TRIO: variants seen among roughly 807,000 people sequenced by gnomAD.
TRIO encodes the protein triple functional domain protein.
Under a neutral mutation model 351.9 loss-of-function variants are expected in TRIO, and 58 were observed. The observed-to-expected ratio is 0.16, with a 90% CI of 0.13 to 0.21. The LOEUF (loss-of-function observed/expected upper bound fraction) is 0.21. Among genes scored for constraint, TRIO ranks in the 10% least tolerant of loss-of-function variants. The pLI, the probability that TRIO is intolerant of heterozygous loss-of-function variation, is 1.00. For missense variants in TRIO, 3,201 were observed against 4,027.8 expected, an observed-to-expected ratio of 0.79 and a Z score of 5.56; for synonymous variants, 1,758 against 1,595.7, an observed-to-expected ratio of 1.10 and a Z score of -2.42.
At chr5:14,298,754 G>A (rs1737591474) in intron 7 of TRIO, among the ~76,000 whole-genome samples, 1 of 152,188 alleles carries the variant, frequency 6.6e-6, no homozygotes, top group African/African-American at 2.4e-5. Context: ...TGTAAAAGCT[G>A]AGAGTTTCAA....
At chr5:14,403,720 T>TGGTGAGGGTGCAGGTG (rs1561448823) in intron 31 of TRIO, among the ~76,000 whole-genome samples, 13 of 28,120 alleles carry the variant, frequency 4.6e-4, no homozygotes, top group Non-Finnish European at 2.1e-4. Context: ...GGGTGTAGGT[T>TGGTGAGGGTGCAGGTG]GTGGTGAGGG....
At chr5:14,500,538 C>G (rs145546445) in intron 53 of TRIO, among the ~76,000 whole-genome samples, 3 of 152,076 alleles carry the variant, frequency 2.0e-5, no homozygotes, top group Non-Finnish European at 4.4e-5. Flanking sequence ...AAACTGTGTC[C>G]GAGAGAATCA....
At chr5:14,147,210 A>G (rs186827576) in intron 1 of TRIO, among the ~76,000 whole-genome samples, 1 of 152,350 alleles carries the variant, frequency 6.6e-6, no homozygotes, top group Non-Finnish European at 1.5e-5. Context: ...TTTATTTTAC[A>G]GATGAGGAAT....
At chr5:14,163,412 G>A (rs1788590693) in intron 1 of TRIO, among the ~76,000 whole-genome samples, 2 of 152,298 alleles carry the variant, frequency 1.3e-5, no homozygotes, top group South Asian at 4.2e-4. Flanking sequence ...AGTAGAGACG[G>A]GGTTTCACCA....
intron 11 of TRIO, among the ~76,000 whole-genome samples, chr5:14,346,015 T>C (rs1019249637): frequency 6.6e-6 from 1 of 152,264 alleles, no homozygotes; most frequent in African/African-American, 2.4e-5. Flanking sequence ...ACATTTGTAC[T>C]GATCTTCGTT....
chr5:14,378,277 G>T (rs1745745012), intron 20 of TRIO, 150 bp downstream of exon 20: 2 of 571,952 alleles, frequency 3.5e-6, no homozygotes, highest in Admixed American at 3.0e-5. Context: ...GTTATAAAAA[G>T]AAAACCCCAC....
At chr5:14,358,623 C>T (rs1476196335) in intron 12 of TRIO, among the ~76,000 whole-genome samples, 2 of 152,184 alleles carry the variant, frequency 1.3e-5, no homozygotes, top group Non-Finnish European at 2.9e-5. Flanking sequence ...TTTCTCTTAA[C>T]ATCCAACTAG....
intron 29 of TRIO, 113 bp downstream of exon 29, chr5:14,397,267 T>G (rs894174550): frequency 1.3e-6 from 1 of 773,346 alleles, no homozygotes; most frequent in African/African-American, 1.8e-5. Flanking sequence ...TGTTAGTGGT[T>G]AAGAACATTT....
intron 18 of TRIO, among the ~76,000 whole-genome samples, chr5:14,372,851 G>T (rs1745236417): frequency 6.6e-6 from 1 of 152,156 alleles, no homozygotes. Context: ...CTTCCTTGTT[G>T]TTTGGTTTGA....
At chr5:14,371,003 C>T (rs1307495940) in intron 18 of TRIO, among the ~76,000 whole-genome samples, 1 of 152,184 alleles carries the variant, frequency 6.6e-6, no homozygotes, top group Non-Finnish European at 1.5e-5. Context: ...GTGCGCTGTG[C>T]ATTGAGTAGA....
intron 1 of TRIO, among the ~76,000 whole-genome samples, chr5:14,236,228 C>T (rs1793760517): frequency 6.6e-6 from 1 of 152,016 alleles, no homozygotes; most frequent in Non-Finnish European, 1.5e-5. Context: ...ATATGATTAA[C>T]GGTATTTTCT....
intron 20 of TRIO, among the ~76,000 whole-genome samples, chr5:14,380,749 A>G (rs1335279895): frequency 2.0e-5 from 3 of 152,204 alleles, no homozygotes; most frequent in African/African-American, 7.2e-5. Context: ...AAATCATTCT[A>G]CTATAAACTC....
intron 1 of TRIO, among the ~76,000 whole-genome samples, chr5:14,150,517 A>G (rs544943710): frequency 6.6e-6 from 1 of 152,316 alleles, no homozygotes; most frequent in South Asian, 2.1e-4. Flanking sequence ...ACTATTACAA[A>G]TCAAAGGATT....
intron 1 of TRIO, among the ~76,000 whole-genome samples, chr5:14,206,391 C>CT (rs151024348): frequency 0.014 from 2,147 of 152,324 alleles, 35 homozygotes; most frequent in African/African-American, 0.049. Flanking sequence ...AAAGAAACGT[C>CT]TTTTTAAAAA....
chr5:14,269,408 G>C (rs989382919), intron 1 of TRIO, among the ~76,000 whole-genome samples: 1 of 152,224 alleles, frequency 6.6e-6, no homozygotes, highest in Non-Finnish European at 1.5e-5. Flanking sequence ...GCCTGCTTTA[G>C]CAGGCATGTA....
intron 41 of TRIO, among the ~76,000 whole-genome samples, chr5:14,478,784 TAC>T (rs1491415122): frequency 3.9e-4 from 38 of 97,146 alleles, no homozygotes; most frequent in Non-Finnish European, 6.2e-4. Context: ...ACTCCATCCC[TAC>T]AAAAAAAAAA....
intron 34 of TRIO, 68 bp downstream of exon 34, chr5:14,420,089 G>A (rs970726005): frequency 6.0e-5 from 93 of 1,561,532 alleles, no homozygotes; most frequent in Non-Finnish European, 7.7e-5. Context: ...CTGTCTCCGC[G>A]CCTCTCCTGC....
At chr5:14,169,491 A>C (rs1788974258) in intron 1 of TRIO, among the ~76,000 whole-genome samples, 2 of 152,194 alleles carry the variant, frequency 1.3e-5, no homozygotes, top group Admixed American at 1.3e-4. Flanking sequence ...AGTCCCAGGA[A>C]ATAACTTGCC....
chr5:14,376,679 A>G (rs1215758381), intron 19 of TRIO, among the ~76,000 whole-genome samples: 1 of 152,166 alleles, frequency 6.6e-6, no homozygotes, highest in Non-Finnish European at 1.5e-5. Context: ...CCTATTTTCC[A>G]CTGTTCTAAC....
Sources: gnomAD v4.1 joint callset for allele counts (sites outside exome capture counted in the v4.1 genomes callset) on GRCh38, gnomAD v4.1.1 for gene constraint, MANE v1.5 for transcripts, NCBI Gene and HGNC (gene_info 2026-07-23, HGNC 2026-07-21) for gene names.